LOXL2: variants seen among roughly 807,000 people sequenced by gnomAD.
LOXL2 encodes lysyl oxidase homolog 2.
A neutral mutation model predicts 93.0 loss-of-function variants in LOXL2; 70 were observed. The observed-to-expected ratio is 0.75, with a 90% CI of 0.62 to 0.92. The LOEUF is 0.92. Ranked by LOEUF, LOXL2 falls within the 40% of genes least tolerant of loss-of-function variation. The pLI, the probability that LOXL2 is intolerant of heterozygous loss-of-function variation, is 0.00. For missense variants in LOXL2, 973 were observed against 1,054.9 expected (o/e 0.92, Z 1.08); for synonymous variants, 438 against 413.2 (o/e 1.06, Z -0.73).
intron 4 of LOXL2, among the ~76,000 whole-genome samples, chr8:23,337,675 G>T (rs1024201200): frequency 6.6e-6 from 1 of 152,224 alleles, no homozygotes; most frequent in Non-Finnish European, 1.5e-5. Flanking sequence ...TCAATTAAAT[G>T]ATGTCAGTAT....
chr8:23,402,563 T>A (rs1437129742), intron 1 of LOXL2: 3 of 152,260 alleles, frequency 2.0e-5, no homozygotes, highest in African/African-American at 7.2e-5. Flanking sequence ...GAACTCTTCC[T>A]CTTCCACCCT....
chr8:23,299,806 C>T (rs1803099210), intron 12 of LOXL2, among the ~76,000 whole-genome samples: 1 of 152,204 alleles, frequency 6.6e-6, no homozygotes, highest in South Asian at 2.1e-4. Context: ...AAATTTGGGG[C>T]CCCAGAAGGG....
intron 1 of LOXL2, among the ~76,000 whole-genome samples, chr8:23,372,761 C>T (rs879683621): frequency 9.9e-5 from 15 of 151,944 alleles, no homozygotes; most frequent in Non-Finnish European, 1.8e-4. Flanking sequence ...ATTGATAGAA[C>T]TAAAAGGAAA....
chr8:23,300,426 G>A (rs1033140917), intron 12 of LOXL2, among the ~76,000 whole-genome samples: 1 of 152,188 alleles, frequency 6.6e-6, no homozygotes, highest in African/African-American at 2.4e-5. Context: ...CTCTGCACAG[G>A]TCCCTCTGCG....
intron 1 of LOXL2, among the ~76,000 whole-genome samples, chr8:23,374,424 CT>C (rs748112252): frequency 6.6e-5 from 10 of 152,142 alleles, no homozygotes; most frequent in Non-Finnish European, 1.5e-4. Context: ...GTGCATGCGC[CT>C]TTACAGCAGC....
intron 3 of LOXL2, among the ~76,000 whole-genome samples, chr8:23,347,846 A>G (rs1804019763): frequency 6.6e-6 from 1 of 152,070 alleles, no homozygotes; most frequent in African/African-American, 2.4e-5. Context: ...CAGCGATCCC[A>G]TTACTGGGTA....
intron 13 of LOXL2, 92 bp from the exon 14 acceptor site, chr8:23,298,214 C>G (rs1364093562): frequency 1.2e-6 from 1 of 863,748 alleles, no homozygotes; most frequent in African/African-American, 1.6e-5. Context: ...TCAGGGGCTG[C>G]TGGGGCCACC....
chr8:23,298,725 G>A, intron 13 of LOXL2, 111 bp downstream of exon 13: 1 of 669,672 alleles, frequency 1.5e-6, no homozygotes, highest in Middle Eastern at 4.3e-4. Flanking sequence ...GAAATGTGAT[G>A]CTGGCTGCAT....
intron 1 of LOXL2, among the ~76,000 whole-genome samples, chr8:23,374,825 T>A (rs1339375430): frequency 6.6e-5 from 10 of 152,040 alleles, no homozygotes; most frequent in African/African-American, 1.9e-4. Flanking sequence ...ATTTGAGTTC[T>A]TTGTAGATTC....
At chr8:23,350,972 A>G (rs991668176) in intron 3 of LOXL2, among the ~76,000 whole-genome samples, 8 of 152,098 alleles carry the variant, frequency 5.3e-5, no homozygotes, top group African/African-American at 1.7e-4. Flanking sequence ...CTGACCACCC[A>G]CCACACAACC....
intron 7 of LOXL2, among the ~76,000 whole-genome samples, chr8:23,320,267 G>C (rs572275137): frequency 2.0e-5 from 3 of 152,306 alleles, no homozygotes; most frequent in South Asian, 4.1e-4. Context: ...AAGCAGCTGG[G>C]GAGGCCCTGT....
At chr8:23,303,494 C>T (rs2117139923) in intron 10 of LOXL2, 97 bp from the exon 11 acceptor site, 2 of 727,162 alleles carry the variant, frequency 2.8e-6, no homozygotes, top group Non-Finnish European at 4.9e-6. Context: ...GGAATACTTC[C>T]AGGGGACCAG....
rs556225827 is a variant in LOXL2 at position 23,296,972 on chromosome 8, A to G, written c.*1071T>C. The stretch of plus-strand genomic sequence containing the variant: ...CCGTTACTTTTTGTGATCTCCTTAG[A>G]TTGCTTCTCCCAGATGGTAGGAGCT... On this transcript the variant is annotated 3_prime_UTR_variant, in exon 14 of 14. Transcript: ENST00000389131. Among the ~76,000 whole-genome samples the G allele has an allele frequency of 1.5e-3, 232 of 152,272 alleles. No homozygotes were observed. The highest frequency in any genetic ancestry group is 5.4e-3 in the African/African-American group (226 of 41,552).
chr8:23,311,312 C>T (rs1236622547), intron 9 of LOXL2, among the ~76,000 whole-genome samples: 2 of 152,190 alleles, frequency 1.3e-5, no homozygotes, highest in Non-Finnish European at 2.9e-5. Context: ...AAAAGGTGCA[C>T]ACAGATGGCA....
intron 4 of LOXL2, among the ~76,000 whole-genome samples, chr8:23,338,959 C>T (rs1043842792): frequency 6.6e-6 from 1 of 152,158 alleles, no homozygotes; most frequent in Non-Finnish European, 1.5e-5. Context: ...GCTGTGACAC[C>T]CTGAGTCCAC....
chr8:23,318,406 T>C (rs1375271401), intron 8 of LOXL2, among the ~76,000 whole-genome samples: 2 of 147,346 alleles, frequency 1.4e-5, no homozygotes, highest in Non-Finnish European at 3.0e-5. Flanking sequence ...CACACATTCA[T>C]ACATCCTATT....
intron 9 of LOXL2, among the ~76,000 whole-genome samples, chr8:23,311,827 G>A (rs1803323161): frequency 6.6e-6 from 1 of 152,222 alleles, no homozygotes; most frequent in South Asian, 2.1e-4. Flanking sequence ...AGAGCTGGCA[G>A]GAGATATGAT....
intron 1 of LOXL2, among the ~76,000 whole-genome samples, chr8:23,381,566 G>A (rs1471991041): frequency 1.3e-5 from 2 of 152,292 alleles, no homozygotes; most frequent in Non-Finnish European, 2.9e-5. Context: ...TACTAAGGAG[G>A]TGGAGCTTTT....
At chr8:23,353,821 C>T (rs1211704881) in intron 3 of LOXL2, among the ~76,000 whole-genome samples, 1 of 152,164 alleles carries the variant, frequency 6.6e-6, no homozygotes, top group Admixed American at 6.5e-5. Context: ...AAACCATTGC[C>T]ACTGAACTAC....
Sources: gnomAD v4.1 joint callset for allele counts (sites outside exome capture counted in the v4.1 genomes callset) on GRCh38, gnomAD v4.1.1 for gene constraint, MANE v1.5 for transcripts, NCBI Gene and HGNC (gene_info 2026-07-23, HGNC 2026-07-21) for gene names.